Variants in TTC39A observed in about 807,000 individuals in gnomAD.
TTC39A encodes the protein tetratricopeptide repeat protein 39A.
In TTC39A, 46 loss-of-function variants were observed where a neutral mutation model predicts 82.3. The observed-to-expected ratio is 0.56, with a 90% CI of 0.44 to 0.71. The LOEUF (loss-of-function observed/expected upper bound fraction) is 0.71, where lower values mean the gene tolerates loss of function less well. Ranked by LOEUF, TTC39A falls within the 30% of genes least tolerant of loss-of-function variation. The pLI is 0.00. For missense variants in TTC39A, 543 were observed against 712.9 expected, an observed-to-expected ratio of 0.76 and a Z score of 2.71; for synonymous variants, 254 against 275.2, an observed-to-expected ratio of 0.92 and a Z score of 0.76.
chr1:51,327,472 G>A (rs1645754769), intron 1 of TTC39A, among the ~76,000 whole-genome samples: 3 of 152,296 alleles, frequency 2.0e-5, no homozygotes, highest in Admixed American at 6.5e-5. Context: ...TGGCCTGCAA[G>A]AGTTCTGAAA....
In TTC39A at chr1:51,311,283, G is replaced by A; in HGVS notation, c.394C>T (p.Leu132=). Reference sequence around the variant, plus strand: ...AGGAAGGTCAGGGCTGCTCGCTGCAGCAGGCACTCTGCATAGCAGACCTCA... The same window carrying A: ...AGGAAGGTCAGGGCTGCTCGCTGCAACAGGCACTCTGCATAGCAGACCTCA... The part of the protein sequence containing the change: ...HAEVCYAECL[L]QRAALTFLQD... The change falls in exon 5 of 18, where the codon CTG becomes TTG. Residue 132 remains leucine (L), a synonymous_variant. Transcript: ENST00000680483. 1 of 1,587,716 alleles carries A rather than the reference G, an allele frequency of 6.3e-7. No individual in the cohort carries two copies. Among genetic ancestry groups the A allele is most frequent in the Non-Finnish European group, 8.6e-7 (1 of 1,167,270 alleles).
upstream of TTC39A, chr1:51,331,148 A>G: frequency 6.7e-7 from 1 of 1,493,248 alleles, no homozygotes; most frequent in Non-Finnish European, 9.1e-7. Flanking sequence ...ACGCATGGTC[A>G]CTCACCTAAT....
chr1:51,324,632 C>T (rs1645645138), intron 1 of TTC39A, among the ~76,000 whole-genome samples: 1 of 152,152 alleles, frequency 6.6e-6, no homozygotes, highest in African/African-American at 2.4e-5. Flanking sequence ...AGCTATTCTC[C>T]TGCCTCAGCC....
intron 8 of TTC39A, among the ~76,000 whole-genome samples, chr1:51,304,343 G>A (rs1373797062): frequency 6.6e-6 from 1 of 152,148 alleles, no homozygotes; most frequent in Non-Finnish European, 1.5e-5. Flanking sequence ...GAGGTCCGTG[G>A]GTGTGGCAAA....
At position 51,290,096 on chromosome 1, in the gene TTC39A, C is replaced by T; in HGVS notation, c.1402G>A (p.Glu468Lys). 6 of 1,613,882 alleles carry T rather than the reference C, an allele frequency of 3.7e-6. No individual in the cohort carries two copies. Among genetic ancestry groups the T allele is most frequent in the Non-Finnish European group, 5.1e-6 (6 of 1,179,862 alleles). The change falls in exon 16 of 18, where the codon GAG becomes AAG. Residue 468 changes from glutamate to lysine, a missense_variant. Physicochemically the swap from Glu to Lys is moderately conservative, Grantham distance 56. Coordinates refer to ENST00000680483, the MANE Select transcript of TTC39A (RefSeq NM_001297663.2). ...CCTTTCAACAATTTCACCAAGCACT[C>T]GTCATCCACTGAGTACTCGTTCTCT... ...GPENEYSVDDECLVKLLKGLC... is the reference protein window; with the variant it reads ...GPENEYSVDDKCLVKLLKGLC...
rs1644033858 is a variant in TTC39A, at chr1:51,287,415, C to A, written c.*742G>T. The stretch of plus-strand genomic sequence containing the variant: ...ATTCTGAGAACCTCCTCCTGCCCCC[C>A]AAATTTCCTGGCTTTGGCATAGAAA... On this transcript the variant is annotated 3_prime_UTR_variant, in exon 18 of 18. Coordinates refer to ENST00000680483, the MANE Select transcript of TTC39A (RefSeq NM_001297663.2). 6.6e-6 allele frequency: 1 copy of A among 152,230 alleles called. No homozygotes were observed. Among genetic ancestry groups the A allele is most frequent in the South Asian group, 2.1e-4 (1 of 4,828 alleles). The allele number at this position is 152,230 out of a possible 1,614,324, so 9.4% of individuals were successfully genotyped here.
chr1:51,327,665 T>G (rs1370510029), intron 1 of TTC39A, among the ~76,000 whole-genome samples: 1 of 151,890 alleles, frequency 6.6e-6, no homozygotes, highest in Non-Finnish European at 1.5e-5. Flanking sequence ...AAAATGTGAG[T>G]AATTATTATT....
Position 51,288,884 on chromosome 1 carries a change from T to C in TTC39A, c.1565A>G (p.Glu522Gly), listed in dbSNP as rs754907711. 3 of 1,612,432 alleles carry C rather than the reference T, an allele frequency of 1.9e-6. No individual in the cohort carries two copies. The Admixed American group carries it at 5.0e-5, about 27-fold the overall frequency. The part of the protein sequence containing the change: ...ALLELALLLM[E>G]QDRNEEAIKL... ...GATGGCCTCTTCGTTTCTGTCTTGC[T>C]CCATAAGCAGCAGGGCCAGCTCCAG... is the stretch of plus-strand genomic sequence containing the variant. Residue 522 changes from glutamate (E) to glycine (G), a missense_variant, in exon 17 of 18, where the codon GAG becomes GGG. Coordinates refer to ENST00000680483, the MANE Select transcript of TTC39A (RefSeq NM_001297663.2). The surrounding 1 kb of genome is among the most constrained non-coding windows in gnomAD (Gnocchi z 4.8).
intron 2 of TTC39A, among the ~76,000 whole-genome samples, chr1:51,316,321 G>A (rs569606565): frequency 2.6e-5 from 4 of 152,214 alleles, no homozygotes; most frequent in South Asian, 4.2e-4. Flanking sequence ...AAAGGATGCC[G>A]CCGCCTTCCC....
At chr1:51,306,539 CAG>C (rs1644875370) in intron 6 of TTC39A, among the ~76,000 whole-genome samples, 1 of 152,136 alleles carries the variant, frequency 6.6e-6, no homozygotes, top group South Asian at 2.1e-4. Context: ...AAAAGTCTCA[CAG>C]GGGGAAGTCA....
At chr1:51,307,691 T>C (rs551795584) in intron 6 of TTC39A, among the ~76,000 whole-genome samples, 4 of 142,622 alleles carry the variant, frequency 2.8e-5, no homozygotes, top group Non-Finnish European at 6.0e-5. Flanking sequence ...GCTGAGACTA[T>C]GCCACTGCAC....
chr1:51,333,109 G>A (rs939063901), upstream of TTC39A, among the ~76,000 whole-genome samples: 42 of 151,916 alleles, frequency 2.8e-4, no homozygotes, highest in African/African-American at 1.0e-3. Flanking sequence ...CTACTCGGGA[G>A]GCTGAGGCAG....
At chr1:51,335,563 C>CAAAAA (rs1178529051), upstream of TTC39A, among the ~76,000 whole-genome samples, 1 of 68,090 alleles carries the variant, frequency 1.5e-5, no homozygotes, top group Non-Finnish European at 3.5e-5. Context: ...TCTTGTCTCA[C>CAAAAA]AAAAAAAAAA....
At chr1:51,303,024 T>A in intron 9 of TTC39A, 60 bp downstream of exon 9, 1 of 1,457,992 alleles carries the variant, frequency 6.9e-7, no homozygotes, top group Non-Finnish European at 9.4e-7. Flanking sequence ...TAGCCCCTCG[T>A]TCTCCTTCCC....
intron 1 of TTC39A, chr1:51,329,664 G>A (rs1294553479): frequency 6.6e-6 from 1 of 152,312 alleles, no homozygotes; most frequent in Non-Finnish European, 1.5e-5. Context: ...CAGCTCACCT[G>A]GGCCGGCTCT....
At chr1:51,305,038 C>A in intron 8 of TTC39A, 43 bp downstream of exon 8, 1 of 1,608,068 alleles carries the variant, frequency 6.2e-7, no homozygotes, top group South Asian at 1.1e-5. Flanking sequence ...AGCCCCAGTT[C>A]TGGGGCTGAG....
upstream of TTC39A, among the ~76,000 whole-genome samples, chr1:51,336,267 A>G (rs1347292610): frequency 6.6e-6 from 1 of 152,136 alleles, no homozygotes; most frequent in Non-Finnish European, 1.5e-5. Flanking sequence ...AAGGGCCCCT[A>G]AGGAAGGATC....
intron 1 of TTC39A, chr1:51,322,346 A>G: frequency 7.6e-7 from 1 of 1,323,584 alleles, no homozygotes; most frequent in Non-Finnish European, 9.7e-7. Context: ...GGCCTTTCAA[A>G]TTCACTTTGC....
chr1:51,288,738 A>T lies in TTC39A; in HGVS notation c.1610+101T>A. The T allele has an allele frequency of 8.9e-7, 1 of 1,118,038 alleles. No individual in the cohort carries two copies. Among genetic ancestry groups the T allele is most frequent in the African/African-American group, 1.6e-5 (1 of 64,464 alleles). The allele number at this position is 1,118,038 out of a possible 1,614,324, so 69.3% of individuals were successfully genotyped here. ...TCTAGACTGCCAGACTGGCCTTGCT[A>T]GCAACTCCACTCACTGCTCTCTGGG... On this transcript the variant is annotated intron_variant, in intron 17 of 17. Transcript: ENST00000680483. The surrounding 1 kb of genome is among the most constrained non-coding windows in gnomAD (Gnocchi z 4.8).
Sources: allele counts gnomAD v4.1 joint callset (sites outside exome capture counted in the v4.1 genomes callset), GRCh38; gene constraint gnomAD v4.1.1; non-coding constraint Gnocchi (gnomAD v3.1); transcripts MANE v1.5; gene names NCBI Gene and HGNC (gene_info 2026-07-23, HGNC 2026-07-21).